Variants in PPP1R9A observed in about 807,000 individuals in gnomAD.
The protein encoded by PPP1R9A is protein phosphatase 1 regulatory subunit 9A, also known as neurabin-1.
PPP1R9A carries 59 observed loss-of-function variants against 141.9 expected under a neutral mutation model. The observed-to-expected ratio is 0.42, with a 90% CI of 0.34 to 0.52. The LOEUF is 0.52. Ranked by LOEUF, PPP1R9A falls within the 20% of genes least tolerant of loss-of-function variation. The probability of loss-of-function intolerance (pLI) is 0.10; values close to 1 mark genes in which losing one functional copy is unlikely to be tolerated. For synonymous variants in PPP1R9A, 500 were observed against 569.7 expected, an observed-to-expected ratio of 0.88 and a Z score of 1.74; for missense variants, 1,444 against 1,611.9, an observed-to-expected ratio of 0.90 and a Z score of 1.78.
chr7:95,023,721 C>G (rs1806363739), intron 2 of PPP1R9A, among the ~76,000 whole-genome samples: 2 of 151,876 alleles, frequency 1.3e-5, no homozygotes, highest in Admixed American at 1.3e-4. Context: ...CTGGCTAATT[C>G]TTTTGTATTT....
chr7:95,245,511 G>A (rs1001427490), intron 8 of PPP1R9A, among the ~76,000 whole-genome samples: 1 of 152,118 alleles, frequency 6.6e-6, no homozygotes, highest in East Asian at 1.9e-4. Context: ...AGCGTCCACT[G>A]GGCATTCAAG....
chr7:95,087,319 A>G (rs1816757449), intron 2 of PPP1R9A, among the ~76,000 whole-genome samples: 1 of 152,072 alleles, frequency 6.6e-6, no homozygotes, highest in Admixed American at 6.5e-5. Flanking sequence ...TCTCTAATCA[A>G]ATAGTCTCAA....
intron 5 of PPP1R9A, among the ~76,000 whole-genome samples, chr7:95,173,991 C>T (rs1197487167): frequency 6.6e-6 from 1 of 152,002 alleles, no homozygotes; most frequent in Admixed American, 6.6e-5. Context: ...ACACTTATAC[C>T]AGCTAGCAAT....
At chr7:94,958,563 AT>A (rs1473957517) in intron 2 of PPP1R9A, among the ~76,000 whole-genome samples, 1 of 151,832 alleles carries the variant, frequency 6.6e-6, no homozygotes, top group South Asian at 2.1e-4. Context: ...TTATGTTGTT[AT>A]TTGTTAGAGT....
chr7:95,173,549 C>CCTTAAGAAAATGGAAAAACAAGCCA (rs1832465986), intron 5 of PPP1R9A, among the ~76,000 whole-genome samples: 2 of 151,520 alleles, frequency 1.3e-5, no homozygotes, highest in African/African-American at 4.8e-5. Context: ...TACAAAATAC[C>CCTTAAGAAAATGGAAAAACAAGCCA]CTTAAGAAAA....
At chr7:95,195,674 A>C (rs2152846243) in intron 5 of PPP1R9A, among the ~76,000 whole-genome samples, 1 of 152,256 alleles carries the variant, frequency 6.6e-6, no homozygotes, top group Non-Finnish European at 1.5e-5. Context: ...TTAATAAATA[A>C]ATTAAATGCA....
intron 5 of PPP1R9A, among the ~76,000 whole-genome samples, chr7:95,197,798 G>T (rs1445807973): frequency 6.6e-6 from 1 of 151,962 alleles, no homozygotes; most frequent in Non-Finnish European, 1.5e-5. Flanking sequence ...ACAGGTGCGC[G>T]CCACCACGCC....
intron 2 of PPP1R9A, among the ~76,000 whole-genome samples, chr7:94,947,182 AGC>A (rs1202190355): frequency 6.6e-6 from 1 of 152,148 alleles, no homozygotes; most frequent in Non-Finnish European, 1.5e-5. Flanking sequence ...CACCCTCTGG[AGC>A]TGGTCAGGTG....
chr7:95,036,589 A>G (rs752622081), intron 2 of PPP1R9A: 1 of 152,212 alleles, frequency 6.6e-6, no homozygotes, highest in African/African-American at 2.4e-5. Flanking sequence ...TGTAGTCACA[A>G]TTGCCTCTTG....
At chr7:94,996,216 A>G (rs1802154213) in intron 2 of PPP1R9A, among the ~76,000 whole-genome samples, 1 of 152,224 alleles carries the variant, frequency 6.6e-6, no homozygotes, top group Non-Finnish European at 1.5e-5. Context: ...AAACTTTAAC[A>G]TCTCTAGGAA....
At chr7:95,082,079 T>C (rs1205379672) in intron 2 of PPP1R9A, among the ~76,000 whole-genome samples, 1 of 152,222 alleles carries the variant, frequency 6.6e-6, no homozygotes, top group Non-Finnish European at 1.5e-5. Context: ...ACAAAGATTA[T>C]TTTTATTTGA....
At chr7:95,041,087 T>C (rs752147151) in intron 2 of PPP1R9A, among the ~76,000 whole-genome samples, 9 of 152,048 alleles carry the variant, frequency 5.9e-5, no homozygotes, top group Non-Finnish European at 1.3e-4. Context: ...CAGAGTACAG[T>C]TTGGGAAATG....
chr7:95,248,095 A>G (rs963630975), intron 9 of PPP1R9A, among the ~76,000 whole-genome samples: 9 of 150,286 alleles, frequency 6.0e-5, no homozygotes, highest in Non-Finnish European at 1.2e-4. Context: ...TTATTAGTCT[A>G]TATATTTTCA....
intron 2 of PPP1R9A, among the ~76,000 whole-genome samples, chr7:95,086,500 T>C (rs1342438912): frequency 1.3e-5 from 2 of 152,162 alleles, no homozygotes; most frequent in East Asian, 1.9e-4. Flanking sequence ...TCTGTTGCCT[T>C]TTTATTGCCA....
chr7:95,099,531 A>T (rs1264586985), intron 2 of PPP1R9A, among the ~76,000 whole-genome samples: 1 of 151,856 alleles, frequency 6.6e-6, no homozygotes, highest in African/African-American at 2.4e-5. Flanking sequence ...CTGTTAAAAA[A>T]CTCGCTAATT....
chr7:95,122,211 A>G (rs1822756979), intron 4 of PPP1R9A, among the ~76,000 whole-genome samples: 1 of 147,050 alleles, frequency 6.8e-6, no homozygotes, highest in Non-Finnish European at 1.5e-5. Context: ...CAGTGGCATG[A>G]TCTCTGCTCA....
At chr7:95,106,572 T>G (rs1404261739) in intron 2 of PPP1R9A, among the ~76,000 whole-genome samples, 4 of 152,230 alleles carry the variant, frequency 2.6e-5, no homozygotes, top group African/African-American at 4.8e-5. Flanking sequence ...TCTCTACTGG[T>G]GGACAATTAG....
At chr7:95,154,876 G>A (rs1829335225) in intron 4 of PPP1R9A, 1 of 152,094 alleles carries the variant, frequency 6.6e-6, no homozygotes, top group Non-Finnish European at 1.5e-5. Flanking sequence ...CACAAATAGA[G>A]AAACAAAGAA....
At chr7:95,264,494 G>A (rs1800950106) in intron 12 of PPP1R9A, among the ~76,000 whole-genome samples, 1 of 152,140 alleles carries the variant, frequency 6.6e-6, no homozygotes, top group Non-Finnish European at 1.5e-5. Flanking sequence ...TGGTCTCTGT[G>A]TAATATGATA....
Sources: allele counts gnomAD v4.1 joint callset (sites outside exome capture counted in the v4.1 genomes callset), GRCh38; gene constraint gnomAD v4.1.1; transcripts MANE v1.5; gene names NCBI Gene and HGNC (gene_info 2026-07-23, HGNC 2026-07-21).